Variants in CYP20A1 observed in about 807,000 individuals in gnomAD.
CYP20A1 encodes cytochrome P450 family 20 subfamily A member 1.
CYP20A1 carries 61 observed loss-of-function variants against 61.4 expected under a neutral mutation model. The observed-to-expected ratio is 0.99, with a 90% CI of 0.81 to 1.23. The LOEUF is 1.23. Ranked by LOEUF, CYP20A1 falls within the 50% of genes most tolerant of loss-of-function variation. The pLI, the probability that CYP20A1 is intolerant of heterozygous loss-of-function variation, is 0.00. For synonymous variants in CYP20A1, 193 were observed against 188.2 expected, an observed-to-expected ratio of 1.03 and a Z score of -0.21; for missense variants, 530 against 542.4, an observed-to-expected ratio of 0.98 and a Z score of 0.23.
chr2:203,276,459 G>C (rs1165841285), intron 6 of CYP20A1, among the ~76,000 whole-genome samples: 2 of 152,020 alleles, frequency 1.3e-5, no homozygotes, highest in Admixed American at 1.3e-4. Flanking sequence ...CAATAAACCA[G>C]GCATGAGAGA....
At chr2:203,295,133 A>G (rs1287838139) in intron 11 of CYP20A1, among the ~76,000 whole-genome samples, 1 of 146,566 alleles carries the variant, frequency 6.8e-6, no homozygotes, top group Admixed American at 6.8e-5. Context: ...TTTTTTTTGT[A>G]TTTTTAGTAG....
At chr2:203,279,740 A>G (rs2067968938) in intron 7 of CYP20A1, among the ~76,000 whole-genome samples, 1 of 152,232 alleles carries the variant, frequency 6.6e-6, no homozygotes, top group Admixed American at 6.5e-5. Context: ...AAAGTAGATC[A>G]TGAACCAGTA....
chr2:203,259,544 C>A lies in CYP20A1; in HGVS notation c.433-6970C>A, dbSNP rs888458836. Reference sequence around the variant, plus strand: ...GCCATGATTATAAGCTTCCTGAGGCCTCATCAGAAGCCAGGTAGGCACCTG... The same window carrying A: ...GCCATGATTATAAGCTTCCTGAGGCATCATCAGAAGCCAGGTAGGCACCTG... On this transcript the variant is annotated intron_variant, in intron 4 of 12. Coordinates refer to ENST00000356079, the MANE Select transcript of CYP20A1 (RefSeq NM_177538.3). The A allele has an allele frequency of 7.9e-5, 12 of 152,048 alleles. 1 individual carries two copies. The highest frequency in any genetic ancestry group is 2.7e-4 in the African/African-American group (11 of 41,420). 9.4% of individuals were successfully genotyped at this position (152,048 alleles called of 1,614,324 possible).
At chr2:203,254,699 C>G (rs1338481238) in intron 4 of CYP20A1, among the ~76,000 whole-genome samples, 1 of 152,124 alleles carries the variant, frequency 6.6e-6, no homozygotes, top group South Asian at 2.1e-4. Flanking sequence ...CTTTGAAAAT[C>G]ACATTTGATC....
chr2:203,241,529 G>T (rs1359343618), intron 1 of CYP20A1, among the ~76,000 whole-genome samples: 1 of 152,242 alleles, frequency 6.6e-6, no homozygotes, highest in Non-Finnish European at 1.5e-5. Flanking sequence ...AGCCAGCAAA[G>T]GAGACTGAGA....
At position 203,239,136 on chromosome 2, in the gene CYP20A1, T is replaced by C; in HGVS notation, c.72+2T>C. On this transcript the variant is annotated splice_donor_variant, in intron 1 of 12. Transcript: ENST00000356079. LOFTEE classifies it high-confidence loss of function. ...GGAGCCGTGCTCTACCTCTATCCGG[T>C]GAGCGCCGTCTTGGCTCTCTGGGGC... The C allele has an allele frequency of 1.2e-6, 2 of 1,612,546 alleles. No homozygotes were observed. The highest frequency in any genetic ancestry group is 8.5e-7 in the Non-Finnish European group (1 of 1,179,290).
In CYP20A1 at chr2:203,303,671, G is replaced by C. The variant is rs753836943; in HGVS notation, c.*6763G>C. ...GATCGCGCCATTGCACTCCAGTGTG[G>C]GTGACGAGCGAAAATCCGTCTCAAC... On this transcript the variant is annotated 3_prime_UTR_variant, in exon 13 of 13. Transcript: ENST00000356079. Among the ~76,000 whole-genome samples, 4 of 151,826 alleles carry C rather than the reference G, an allele frequency of 2.6e-5. No individual in the cohort carries two copies. The highest frequency in any genetic ancestry group is 5.9e-5 in the Non-Finnish European group (4 of 67,984).
At chr2:203,262,878 C>T (rs1487908629) in intron 4 of CYP20A1, among the ~76,000 whole-genome samples, 1 of 151,950 alleles carries the variant, frequency 6.6e-6, no homozygotes, top group Non-Finnish European at 1.5e-5. Context: ...TGGGGTTTCA[C>T]CATGTTAGCC....
At chr2:203,255,515 C>T (rs1368482695) in intron 4 of CYP20A1, among the ~76,000 whole-genome samples, 1 of 152,110 alleles carries the variant, frequency 6.6e-6, no homozygotes, top group East Asian at 1.9e-4. Context: ...GAAGGAAATG[C>T]TAAGTTTCAT....
chr2:203,304,364 A>AT lies in CYP20A1; in HGVS notation c.*7462dup, dbSNP rs1470312870. 1.3e-5 allele frequency among the ~76,000 whole-genome samples: 2 copies of AT among 151,942 alleles called. No individual in the cohort carries two copies. The highest frequency in any genetic ancestry group is 2.4e-5 in the African/African-American group (1 of 41,388). ...AGGCGAGTGCCTCCATGCCCAGCTA[A>AT]TTTTTTGTATTTTTAGTAGAGACGG... On this transcript the variant is annotated 3_prime_UTR_variant, in exon 13 of 13. Transcript: ENST00000356079.
At chr2:203,257,968 T>C (rs2066969348) in intron 4 of CYP20A1, among the ~76,000 whole-genome samples, 1 of 152,210 alleles carries the variant, frequency 6.6e-6, no homozygotes, top group Non-Finnish European at 1.5e-5. Context: ...GTGGCACAAT[T>C]ATAGCTCACT....
At chr2:203,258,004 G>GGCTCAAGTGCAGTGGCACAATTATA (rs1553514835) in intron 4 of CYP20A1, among the ~76,000 whole-genome samples, 8 of 53,392 alleles carry the variant, frequency 1.5e-4, no homozygotes, top group Non-Finnish European at 3.3e-4. Context: ...TGGGCTGAAG[G>GGCTCAAGTGCAGTGGCACAATTATA]GATCCTCCTG....
intron 9 of CYP20A1, among the ~76,000 whole-genome samples, chr2:203,286,658 G>A (rs2068284257): frequency 6.6e-6 from 1 of 152,156 alleles, no homozygotes; most frequent in Admixed American, 6.6e-5. Flanking sequence ...GTGATAAAAA[G>A]CATACTGTTG....
chr2:203,294,324 G>A (rs937654140), intron 11 of CYP20A1, among the ~76,000 whole-genome samples: 102 of 151,950 alleles, frequency 6.7e-4, no homozygotes, highest in African/African-American at 2.4e-3. Context: ...GATCACCTGA[G>A]GTCGGGGGTT....
At chr2:203,258,388 T>TAA (rs56367282) in intron 4 of CYP20A1, among the ~76,000 whole-genome samples, 1 of 138,116 alleles carries the variant, frequency 7.2e-6, no homozygotes, top group African/African-American at 2.7e-5. Context: ...ACCCTATGTT[T>TAA]AAAAAAAAAA....
At position 203,252,029 on chromosome 2, in the gene CYP20A1, A is replaced by C. The variant is rs112381255; in HGVS notation, c.352A>C (p.Ser118Arg). Residue 118 changes from serine to arginine, a missense_variant, in exon 4 of 13, where the codon AGT (serine) becomes CGT (arginine). By Grantham distance (110) the Ser-to-Arg change is moderately radical (BLOSUM62 -1). Transcript: ENST00000356079. ...GTATCAATCTGGTGGTGGCAGTGTG[A>C]GTGAAAACCACATGAGGAAAAAATT... ...LRYQSGGGSVSENHMRKKLYE... is the reference protein window; with the variant it reads ...LRYQSGGGSVRENHMRKKLYE... 3.1e-6 allele frequency: 5 copies of C among 1,611,228 alleles called. No homozygotes were observed. Among genetic ancestry groups the C allele is most frequent in the South Asian group, 2.2e-5 (2 of 90,804 alleles).
chr2:203,258,005 G>GCACAATTAT (rs1455916330), intron 4 of CYP20A1, among the ~76,000 whole-genome samples: 48 of 151,640 alleles, frequency 3.2e-4, no homozygotes, highest in South Asian at 1.7e-3. Context: ...GGGCTGAAGG[G>GCACAATTAT]ATCCTCCTGC....
intron 4 of CYP20A1, among the ~76,000 whole-genome samples, chr2:203,260,270 C>T (rs7562438): frequency 0.92 from 140,470 of 152,104 alleles, 65,136 homozygotes; most frequent in Non-Finnish European, 0.96. Context: ...TCGTCCAGGC[C>T]GGAGTGCAGT....
chr2:203,239,272 C>G, intron 1 of CYP20A1, 138 bp downstream of exon 1: 1 of 708,644 alleles, frequency 1.4e-6, no homozygotes, highest in Non-Finnish European at 2.4e-6. Flanking sequence ...AGAGCTTCAG[C>G]GCGGGGACCG....
Sources: allele counts gnomAD v4.1 joint callset (sites outside exome capture counted in the v4.1 genomes callset), GRCh38; gene constraint gnomAD v4.1.1; transcripts MANE v1.5; gene names NCBI Gene and HGNC (gene_info 2026-07-23, HGNC 2026-07-21).